The following DMPK variants were observed in gnomAD, a reference collection of about 807,000 sequenced individuals.
DMPK encodes the protein myotonin-protein kinase.
A neutral mutation model predicts 70.3 loss-of-function variants in DMPK; 32 were observed. That is an observed-to-expected ratio of 0.46 (90% CI 0.34 to 0.61). The LOEUF is 0.61. Ranked by LOEUF, DMPK falls within the 20% of genes least tolerant of loss-of-function variation. The pLI, the probability that DMPK is intolerant of heterozygous loss-of-function variation, is 0.01. For synonymous variants in DMPK, 469 were observed against 390.9 expected, an observed-to-expected ratio of 1.20 and a Z score of -2.36; for missense variants, 899 against 886.0, an observed-to-expected ratio of 1.01 and a Z score of -0.19.
chr19:45,769,763 G>A lies in DMPK; in HGVS notation c.*725C>T, dbSNP rs1969209475. Reference sequence around the variant, plus strand: ...TTATTCGCGAGGGTCGGGGGTGGGGGTCCTAGGTGGGGACAGACAATAAAT... The same window carrying A: ...TTATTCGCGAGGGTCGGGGGTGGGGATCCTAGGTGGGGACAGACAATAAAT... On this transcript the variant is annotated 3_prime_UTR_variant, in exon 15 of 15. Transcript: ENST00000291270. 5.8e-6 allele frequency: 1 copy of A among 173,706 alleles called. No individual in the cohort carries two copies. The highest frequency in any genetic ancestry group is 2.4e-5 in the African/African-American group (1 of 40,920). The allele number at this position is 173,706 out of a possible 1,614,324, so 10.8% of individuals were successfully genotyped here.
rs751121702 is a variant in DMPK at position 45,782,300 on chromosome 19, C to T, written c.53G>A (p.Gly18Asp). The change falls in exon 1 of 15, where the codon GGC becomes GAC. Residue 18 changes from glycine to aspartate, a missense_variant. Gly to Asp is a moderately conservative substitution (Grantham distance 94). Coordinates refer to ENST00000291270, the MANE Select transcript of DMPK (RefSeq NM_004409.5). ...RRLQQLVLDP[G>D]FLGLEPLLDL... is the part of the protein sequence containing the mutation. Reference sequence around the variant, plus strand: ...GAGCAGGGGCTCCAGCCCCAGGAAGCCCGGGTCCAACACCAGCTGCTGGAG... The same window carrying T: ...GAGCAGGGGCTCCAGCCCCAGGAAGTCCGGGTCCAACACCAGCTGCTGGAG... 1 of 1,594,614 alleles carries T rather than the reference C, an allele frequency of 6.3e-7. No individual in the cohort carries two copies. Among genetic ancestry groups the T allele is most frequent in the Non-Finnish European group, 8.5e-7 (1 of 1,171,680 alleles).
At position 45,770,495 on chromosome 19, in the gene DMPK, G is replaced by A. The variant is rs1298642484; in HGVS notation, c.1883C>T (p.Ala628Val). The change falls in exon 15 of 15, where the codon GCT (alanine) becomes GTT (valine). Residue 628 changes from alanine (A) to valine (V), a missense_variant. Coordinates refer to ENST00000291270, the MANE Select transcript of DMPK (RefSeq NM_004409.5). ...AVWRRPGAAR[A>V]P ...CGAAGACAGTTCTAGGGTTCAGGGA[G>A]CGCGGGCGGCTCCTGGGCGGCGCCA... 1.9e-6 allele frequency: 3 copies of A among 1,550,388 alleles called. No individual in the cohort carries two copies. The highest frequency in any genetic ancestry group is 2.6e-6 in the Non-Finnish European group (3 of 1,146,804).
At position 45,775,202 on chromosome 19, in the gene DMPK, CTG is replaced by C. The variant is rs1040969496; in HGVS notation, c.1147-170_1147-169del. 3 of 585,292 alleles carry C rather than the reference CTG, an allele frequency of 5.1e-6. No individual in the cohort carries two copies. In the Admixed American group the frequency reaches 8.3e-5, roughly 16 times the overall value. The allele number at this position is 585,292 out of a possible 1,614,324, so 36.3% of individuals were successfully genotyped here. A position where few individuals can be genotyped will look rare whatever the true frequency, so the allele number is the denominator to read the frequency against. On this transcript the variant is annotated intron_variant, in intron 8 of 14. Coordinates refer to ENST00000291270, the MANE Select transcript of DMPK (RefSeq NM_004409.5). ...TTTTTCTTTGATACGGAGTCTCGCT[CTG>C]TTACCCAGGCTGGAGTGCAGTGGTG... is the stretch of plus-strand genomic sequence containing the variant.
In DMPK at chr19:45,780,123, G is replaced by A. The variant is rs544256614; in HGVS notation, c.161-254C>T. ...CATTGGCCCAGAGGGCTCCAAGGGT[G>A]TGCAGGATGGTTAGGGTGGGGTAAC... On this transcript the variant is annotated intron_variant, in intron 1 of 14. Coordinates refer to ENST00000291270, the MANE Select transcript of DMPK (RefSeq NM_004409.5). The A allele has an allele frequency of 6.2e-6, 9 of 1,448,496 alleles. No homozygotes were observed. In the African/African-American group the frequency reaches 1.0e-4, roughly 16 times the overall value. 89.7% of individuals were successfully genotyped at this position (1,448,496 alleles called of 1,614,324 possible).
In DMPK at chr19:45,782,331, T is replaced by C. The variant is rs1269319234; in HGVS notation, c.22A>G (p.Arg8Gly). The C allele has an allele frequency of 6.3e-7, 1 of 1,582,064 alleles. No homozygotes were observed. The highest frequency in any genetic ancestry group is 8.6e-7 in the Non-Finnish European group (1 of 1,165,196). MSAEVRL[R>G]RLQQLVLDPG... ...TCCAACACCAGCTGCTGGAGCCGCC[T>C]CAGCCGCACCTCGGCTGACATGTTG... is the stretch of plus-strand genomic sequence containing the variant. Residue 8 changes from arginine (R) to glycine (G), a missense_variant, in exon 1 of 15, where the codon AGG becomes GGG. This residue lies in a region of DMPK where 149 missense variants were observed against 142.5 expected (regional missense o/e 1.05). Coordinates refer to ENST00000291270, the MANE Select transcript of DMPK (RefSeq NM_004409.5).
chr19:45,770,726 C>T, intron 14 of DMPK, 86 bp from the exon 15 acceptor site: 1 of 1,418,068 alleles, frequency 7.1e-7, no homozygotes, highest in Non-Finnish European at 9.5e-7. Flanking sequence ...TAGGTGGGCC[C>T]GCACTCTTCC....
Position 45,770,652 on chromosome 19 carries a change from G to A in DMPK, c.1738-12C>T, listed in dbSNP as rs1003924058. 37 of 1,550,104 alleles carry A rather than the reference G, an allele frequency of 2.4e-5. No homozygotes were observed. The highest frequency in any genetic ancestry group is 1.3e-4 in the South Asian group (11 of 84,014). Reference sequence around the variant, plus strand: ...CCAGGCCTAGGGACCTGCGGGGAGAGGGCGAGGTCAACACCCGGCATGGGC... The same window carrying A: ...CCAGGCCTAGGGACCTGCGGGGAGAAGGCGAGGTCAACACCCGGCATGGGC... On this transcript the variant is annotated splice_polypyrimidine_tract_variant and intron_variant, in intron 14 of 14. Coordinates refer to ENST00000291270, the MANE Select transcript of DMPK (RefSeq NM_004409.5).
rs773427392 is a variant in DMPK, at chr19:45,777,327, C to T, written c.1146G>A (p.Gly382=). 5 of 1,565,052 alleles carry T rather than the reference C, an allele frequency of 3.2e-6. No individual in the cohort carries two copies. Among genetic ancestry groups the T allele is most frequent in the Non-Finnish European group, 4.3e-6 (5 of 1,153,118 alleles). The change falls in exon 8 of 15, where the codon GGG becomes GGA. Residue 382 remains glycine, a splice_region_variant and synonymous_variant. Transcript: ENST00000291270. The surrounding 1 kb of genome is among the most constrained non-coding windows in gnomAD (Gnocchi z 6.7). ...CCGAGCAGGGGCCACAGGTACCTAC[C>T]CCGCCCCCGCTCACCATGGCAGTGA... ...DGLTAMVSGG[G]ETLSDIREGA... is the part of the protein sequence containing the mutation.
chr19:45,770,998 G>A lies in DMPK; in HGVS notation c.1710C>T (p.His570=), dbSNP rs567838390. The part of the protein sequence containing the change: ...QCPLVGPGPM[H]RRHLLLPARV... The stretch of plus-strand genomic sequence containing the variant: ...TGGCAGGGAGCAGCAGGTGGCGGCG[G>A]TGCATGGGGCCTGGCCCCACCAGCG... Residue 570 remains histidine (H), a synonymous_variant, in exon 14 of 15, where the codon CAC becomes CAT. Coordinates refer to ENST00000291270, the MANE Select transcript of DMPK (RefSeq NM_004409.5). The A allele has an allele frequency of 1.4e-5, 20 of 1,445,012 alleles. No individual in the cohort carries two copies. The highest frequency in any genetic ancestry group is 1.8e-5 in the Non-Finnish European group (20 of 1,102,686). 89.5% of individuals were successfully genotyped at this position (1,445,012 alleles called of 1,614,324 possible). A position where few individuals can be genotyped will look rare whatever the true frequency, so the allele number is the denominator to read the frequency against.
chr19:45,771,675 G>A lies in DMPK; in HGVS notation c.1503-10C>T, dbSNP rs774011333. 3.1e-6 allele frequency: 5 copies of A among 1,613,684 alleles called. No individual in the cohort carries two copies. The highest frequency in any genetic ancestry group is 1.3e-5 in the African/African-American group (1 of 74,932). The stretch of plus-strand genomic sequence containing the variant: ...TGCCTCGCGTAGTTGACTGTGGGGA[G>A]GTAAGGACGGTGAGTCCGTCCGGGC... On this transcript the variant is annotated splice_polypyrimidine_tract_variant and intron_variant, in intron 11 of 14. Transcript: ENST00000291270.
chr19:45,773,347 A>AC (rs1969584547), intron 9 of DMPK, among the ~76,000 whole-genome samples: 1 of 152,172 alleles, frequency 6.6e-6, no homozygotes, highest in South Asian at 2.1e-4. Flanking sequence ...TTCAATCCTG[A>AC]CCCACCGTTC....
chr19:45,780,490 C>T, intron 1 of DMPK: 37 of 1,152,504 alleles, frequency 3.2e-5, no homozygotes, highest in Non-Finnish European at 4.0e-5. Flanking sequence ...GTGCTTTAGT[C>T]CTACCCCTTA....
In DMPK at chr19:45,777,092, C is replaced by T. The variant is rs1015413914; in HGVS notation, c.1146+235G>A. On this transcript the variant is annotated intron_variant, in intron 8 of 14. Coordinates refer to ENST00000291270, the MANE Select transcript of DMPK (RefSeq NM_004409.5). This position sits in a 1 kb window ranked among gnomAD's most constrained non-coding sequence, Gnocchi z 6.7. ...CAGGAGTCCCCCACCCCCTGCACTCCATTGTCTCAGCCCTGATCACTCTGG... is the reference window on the plus strand; with the variant it reads ...CAGGAGTCCCCCACCCCCTGCACTCTATTGTCTCAGCCCTGATCACTCTGG... The T allele has an allele frequency of 5.4e-5, 29 of 538,536 alleles. No homozygotes were observed. The African/African-American group carries it at 5.6e-4, about 10-fold the overall frequency. The allele number at this position is 538,536 out of a possible 1,614,324, so 33.4% of individuals were successfully genotyped here. A position where few individuals can be genotyped will look rare whatever the true frequency, so the allele number is the denominator to read the frequency against.
intron 14 of DMPK, 54 bp from the exon 15 acceptor site, chr19:45,770,694 G>C: frequency 1.3e-6 from 2 of 1,531,278 alleles, no homozygotes; most frequent in Non-Finnish European, 1.8e-6. Context: ...TTGGCTCCTG[G>C]GACTCGCCCC....
intron 10 of DMPK, chr19:45,772,176 C>CAT: frequency 1.9e-6 from 1 of 523,698 alleles, no homozygotes; most frequent in Non-Finnish European, 3.3e-6. Flanking sequence ...ACTAACACAA[C>CAT]CTATGTCCCT....
In DMPK at chr19:45,770,395, T is replaced by A. The variant is rs1306376240; in HGVS notation, c.*93A>T. ...GGCGGAGACCCACGCTCGGAGCGGT[T>A]GTGAACTGGCAGGCGGTGGGCGCGG... On this transcript the variant is annotated 3_prime_UTR_variant, in exon 15 of 15. Coordinates refer to ENST00000291270, the MANE Select transcript of DMPK (RefSeq NM_004409.5). The A allele has an allele frequency of 1.4e-6, 2 of 1,463,342 alleles. No homozygotes were observed. Among genetic ancestry groups the A allele is most frequent in the Non-Finnish European group, 1.9e-6 (2 of 1,070,344 alleles). 90.6% of individuals were successfully genotyped at this position (1,463,342 alleles called of 1,614,324 possible). A position where few individuals can be genotyped will look rare whatever the true frequency, so the allele number is the denominator to read the frequency against.
At chr19:45,770,716 T>C (rs1269095008) in intron 14 of DMPK, 76 bp from the exon 15 acceptor site, 1 of 1,473,638 alleles carries the variant, frequency 6.8e-7, no homozygotes, top group East Asian at 2.5e-5. Context: ...CCTACGCCCA[T>C]AGGTGGGCCC....
intron 8 of DMPK, 157 bp from the exon 9 acceptor site, chr19:45,775,191 G>C: frequency 1.7e-6 from 1 of 605,552 alleles, no homozygotes; most frequent in African/African-American, 1.8e-5. Context: ...TCTTTGATAC[G>C]GAGTCTCGCT....
At position 45,777,115 on chromosome 19, in the gene DMPK, T is replaced by C; in HGVS notation, c.1146+212A>G. On this transcript the variant is annotated intron_variant, in intron 8 of 14. Transcript: ENST00000291270. The surrounding 1 kb of genome is among the most constrained non-coding windows in gnomAD (Gnocchi z 6.7). ...TCCATTGTCTCAGCCCTGATCACTC[T>C]GGGGCCTTACTGTCTGAAGACTGCT... is the stretch of plus-strand genomic sequence containing the variant. 1.5e-6 allele frequency: 1 copy of C among 669,606 alleles called. No homozygotes were observed. Among genetic ancestry groups the C allele is most frequent in the South Asian group, 2.3e-5 (1 of 42,686 alleles). The allele number at this position is 669,606 out of a possible 1,614,324, so 41.5% of individuals were successfully genotyped here.
Sources: gnomAD v4.1 joint callset for allele counts (sites outside exome capture counted in the v4.1 genomes callset) on GRCh38, gnomAD v4.1.1 for gene constraint, gnomAD v4.1.1 regional missense constraint, Gnocchi (gnomAD v3.1) non-coding constraint, MANE v1.5 for transcripts, NCBI Gene and HGNC (gene_info 2026-07-23, HGNC 2026-07-21) for gene names.